Variants in CACNB2 observed in about 807,000 individuals in gnomAD.
The protein encoded by CACNB2 is calcium voltage-gated channel auxiliary subunit beta 2.
Under a neutral mutation model 73.3 loss-of-function variants are expected in CACNB2, and 42 were observed. The observed-to-expected ratio is 0.57, with a 90% CI of 0.45 to 0.74. CACNB2 has a LOEUF of 0.74. Ranked by LOEUF, CACNB2 falls within the 30% of genes least tolerant of loss-of-function variation. CACNB2 has a pLI of 0.00. For missense variants in CACNB2, 940 were observed against 853.0 expected (o/e 1.10, Z -1.27); for synonymous variants, 348 against 310.3 (o/e 1.12, Z -1.28).
At chr10:18,292,320 A>G (rs1045107306) in intron 2 of CACNB2, among the ~76,000 whole-genome samples, 13 of 152,226 alleles carry the variant, frequency 8.5e-5, no homozygotes, top group African/African-American at 2.9e-4. Flanking sequence ...CATTTCAGTA[A>G]TAACAACGGC....
At chr10:18,212,976 T>G (rs1369335675) in intron 2 of CACNB2, among the ~76,000 whole-genome samples, 2 of 152,262 alleles carry the variant, frequency 1.3e-5, no homozygotes, top group Admixed American at 6.5e-5. Flanking sequence ...TTTAAGTTTC[T>G]CTGCCTTGTG....
Position 18,448,497 on chromosome 10 carries a change from A to G in CACNB2, c.333+46454A>G, listed in dbSNP as rs868655777. Among the ~76,000 whole-genome samples the G allele has an allele frequency of 1.3e-3, 184 of 141,558 alleles. 1 individual carries two copies. The highest frequency in any genetic ancestry group is 2.6e-3 in the East Asian group (13 of 4,966). 92.9% of individuals were successfully genotyped at this position (141,558 alleles called of 152,430 possible). On this transcript the variant is annotated intron_variant, in intron 3 of 13. Transcript: ENST00000324631. ...TCTCATTTAAAAAAAAAAAAAAAAA[A>G]AAAAGAAAAGAAAAGAAAGAAAGGA... is the stretch of plus-strand genomic sequence containing the variant.
At position 18,511,227 on chromosome 10, in the gene CACNB2, C is replaced by CT. The variant is rs553811391; in HGVS notation, c.671-3001dup. Among the ~76,000 whole-genome samples, 550 of 151,872 alleles carry CT rather than the reference C, an allele frequency of 3.6e-3. 9 individuals carry two copies. The East Asian group carries it at 0.043, about 12-fold the overall frequency. On this transcript the variant is annotated intron_variant, in intron 6 of 13. Transcript: ENST00000324631. ...AGGACTGAATTAATTCCATTATTAC[C>CT]TTTTTTTTGATAGAAAATCATACCT...
chr10:18,501,535 T>G (rs548683042), intron 5 of CACNB2, among the ~76,000 whole-genome samples: 1 of 152,252 alleles, frequency 6.6e-6, no homozygotes, highest in Admixed American at 6.5e-5. Context: ...CTAGGATTTG[T>G]GAGGTTGTCT....
chr10:18,386,481 C>A (rs1343840397), intron 2 of CACNB2, among the ~76,000 whole-genome samples: 2 of 145,104 alleles, frequency 1.4e-5, no homozygotes, highest in Non-Finnish European at 3.0e-5. Context: ...CGGCTCACTG[C>A]AAGCTCCGCC....
chr10:18,181,931 A>G (rs1015227876), intron 2 of CACNB2: 1 of 152,070 alleles, frequency 6.6e-6, no homozygotes, highest in African/African-American at 2.4e-5. Flanking sequence ...CTTGAGGTCA[A>G]CTTTAAACAG....
At chr10:18,461,384 A>G (rs926843707) in intron 3 of CACNB2, among the ~76,000 whole-genome samples, 1 of 152,074 alleles carries the variant, frequency 6.6e-6, no homozygotes, top group South Asian at 2.1e-4. Context: ...CAAGGCTTTA[A>G]CTTTCTTGTT....
chr10:18,207,406 G>A (rs79774044), intron 2 of CACNB2, among the ~76,000 whole-genome samples: 1,607 of 152,272 alleles, frequency 0.011, 24 homozygotes, highest in African/African-American at 0.034. Context: ...AAATTAAACT[G>A]TATCATAGGT....
intron 2 of CACNB2, among the ~76,000 whole-genome samples, chr10:18,360,284 G>T (rs2042091548): frequency 6.6e-6 from 1 of 152,186 alleles, no homozygotes; most frequent in South Asian, 2.1e-4. Context: ...GAGTGCAGTA[G>T]AGCAATAATT....
intron 6 of CACNB2, among the ~76,000 whole-genome samples, chr10:18,509,789 C>CAAAT (rs955117701): frequency 2.6e-5 from 4 of 151,834 alleles, no homozygotes; most frequent in Non-Finnish European, 5.9e-5. Flanking sequence ...GACCCTGTCT[C>CAAAT]AAATAAATAA....
intron 3 of CACNB2, among the ~76,000 whole-genome samples, chr10:18,491,819 TAAA>T (rs68179779): frequency 3.0e-5 from 2 of 65,594 alleles, no homozygotes; most frequent in Non-Finnish European, 6.2e-5. Context: ...TCAAGTTGGT[TAAA>T]AAAAAAAAAA....
chr10:18,272,238 C>T (rs552113960), intron 2 of CACNB2, among the ~76,000 whole-genome samples: 1 of 152,050 alleles, frequency 6.6e-6, no homozygotes, highest in Non-Finnish European at 1.5e-5. Flanking sequence ...GGACATAGTT[C>T]TAATTAGAAC....
At chr10:18,249,399 AT>A (rs148472225) in intron 2 of CACNB2, among the ~76,000 whole-genome samples, 13,043 of 152,154 alleles carry the variant, frequency 0.086, 728 homozygotes, top group East Asian at 0.27. Flanking sequence ...AGAAAAAAAA[AT>A]GTCTTATTCC....
chr10:18,408,237 T>A (rs2044403837), intron 3 of CACNB2, among the ~76,000 whole-genome samples: 1 of 133,218 alleles, frequency 7.5e-6, no homozygotes, highest in Non-Finnish European at 1.6e-5. Flanking sequence ...CTGACTTTTT[T>A]TTTTTTTTTT....
intron 2 of CACNB2, among the ~76,000 whole-genome samples, chr10:18,389,972 C>G (rs925707140): frequency 3.9e-5 from 6 of 152,000 alleles, no homozygotes; most frequent in Non-Finnish European, 8.8e-5. Context: ...AATTAGTGTG[C>G]CTTTTATATA....
At chr10:18,373,873 C>T (rs940838424) in intron 2 of CACNB2, among the ~76,000 whole-genome samples, 3 of 152,090 alleles carry the variant, frequency 2.0e-5, no homozygotes, top group Admixed American at 6.6e-5. Context: ...TACTGATTTC[C>T]ACACTTCCAA....
chr10:18,233,873 C>T (rs1202919671), intron 2 of CACNB2, among the ~76,000 whole-genome samples: 3 of 152,136 alleles, frequency 2.0e-5, no homozygotes, highest in East Asian at 1.9e-4. Context: ...GTGTCTGAGC[C>T]GTGTAGAGAA....
chr10:18,261,466 T>A, intron 2 of CACNB2: 2 of 1,083,240 alleles, frequency 1.8e-6, no homozygotes, highest in Non-Finnish European at 2.7e-6. Context: ...TTTCAAGGAA[T>A]CTGAGGTATA....
intron 3 of CACNB2, among the ~76,000 whole-genome samples, chr10:18,445,909 C>A (rs2046710655): frequency 6.6e-6 from 1 of 152,172 alleles, no homozygotes; most frequent in Non-Finnish European, 1.5e-5. Context: ...TGGCACATGC[C>A]TGTAATTCCA....
Sources: allele counts gnomAD v4.1 joint callset (sites outside exome capture counted in the v4.1 genomes callset), GRCh38; gene constraint gnomAD v4.1.1; transcripts MANE v1.5; gene names NCBI Gene and HGNC (gene_info 2026-07-23, HGNC 2026-07-21).